ANKS1B: variants seen among roughly 807,000 people sequenced by gnomAD.
The protein encoded by ANKS1B is ankyrin repeat and sterile alpha motif domain containing 1B.
ANKS1B carries 36 observed loss-of-function variants against 148.3 expected under a neutral mutation model. The ratio of observed to expected loss-of-function variants is 0.24; its 90% CI spans 0.19 to 0.32. ANKS1B has a LOEUF of 0.32. Ranked by LOEUF, ANKS1B falls within the 10% of genes least tolerant of loss-of-function variation. The pLI, the probability that ANKS1B is intolerant of heterozygous loss-of-function variation, is 1.00. For synonymous variants in ANKS1B, 542 were observed against 560.8 expected, an observed-to-expected ratio of 0.97 and a Z score of 0.47; for missense variants, 1,157 against 1,542.6, an observed-to-expected ratio of 0.75 and a Z score of 4.19.
intron 19 of ANKS1B, among the ~76,000 whole-genome samples, chr12:98,823,898 A>G (rs2099223281): frequency 6.6e-6 from 1 of 152,206 alleles, no homozygotes; most frequent in African/African-American, 2.4e-5. Flanking sequence ...AATTTCTGGG[A>G]ACAACAGGCC....
intron 8 of ANKS1B, among the ~76,000 whole-genome samples, chr12:99,692,317 C>T (rs914828439): frequency 6.6e-6 from 1 of 151,968 alleles, no homozygotes; most frequent in African/African-American, 2.4e-5. Context: ...GGTCAGATAG[C>T]GGTCATATTT....
At chr12:99,882,512 A>G (rs2153739096) in intron 1 of ANKS1B, among the ~76,000 whole-genome samples, 1 of 152,348 alleles carries the variant, frequency 6.6e-6, no homozygotes, top group Admixed American at 6.5e-5. Context: ...GAAAGTAACC[A>G]AAGAAAAATG....
intron 17 of ANKS1B, among the ~76,000 whole-genome samples, chr12:98,990,058 C>T (rs2099925678): frequency 6.6e-6 from 1 of 151,918 alleles, no homozygotes; most frequent in Non-Finnish European, 1.5e-5. Flanking sequence ...GAAAGAAAGT[C>T]ATTGGTATTT....
intron 12 of ANKS1B, among the ~76,000 whole-genome samples, chr12:99,253,645 A>G (rs2074919214): frequency 6.6e-6 from 1 of 152,236 alleles, no homozygotes; most frequent in Admixed American, 6.5e-5. Flanking sequence ...GAAAGACACG[A>G]GCCCATAAAT....
At chr12:99,128,166 T>C (rs569720771) in intron 15 of ANKS1B, among the ~76,000 whole-genome samples, 13 of 152,326 alleles carry the variant, frequency 8.5e-5, no homozygotes, top group African/African-American at 3.1e-4. Context: ...TCAGCGTGGC[T>C]AATGGCTTCA....
chr12:99,833,906 G>A (rs907832522), intron 1 of ANKS1B, among the ~76,000 whole-genome samples: 5 of 151,812 alleles, frequency 3.3e-5, no homozygotes, highest in African/African-American at 1.2e-4. Flanking sequence ...TAGCAAAATG[G>A]ATATGGATAC....
chr12:99,698,973 G>GTGTGTGTGTGTGTGTGTGT (rs56223205), intron 8 of ANKS1B, among the ~76,000 whole-genome samples: 49 of 119,524 alleles, frequency 4.1e-4, no homozygotes, highest in African/African-American at 1.4e-3. Context: ...TGTGTGTGTG[G>GTGTGTGTGTGTGTGTGTGT]GTGTGCACGC....
chr12:99,336,775 A>C (rs1051939265), intron 12 of ANKS1B, among the ~76,000 whole-genome samples: 1 of 152,106 alleles, frequency 6.6e-6, no homozygotes, highest in Non-Finnish European at 1.5e-5. Flanking sequence ...ACTTGGATAT[A>C]CTATTCAAGG....
chr12:99,799,031 A>G (rs2066606956), intron 4 of ANKS1B, among the ~76,000 whole-genome samples: 1 of 152,098 alleles, frequency 6.6e-6, no homozygotes, highest in South Asian at 2.1e-4. Context: ...CTTTCACTTC[A>G]AGCTTCTATC....
intron 14 of ANKS1B, among the ~76,000 whole-genome samples, chr12:99,237,764 G>A (rs1242354667): frequency 2.0e-5 from 3 of 152,112 alleles, no homozygotes; most frequent in Admixed American, 6.5e-5. Context: ...TAGAAACTTC[G>A]TGTGTGTGCA....
chr12:99,262,720 ATT>A (rs1417022039), intron 12 of ANKS1B, among the ~76,000 whole-genome samples: 3 of 151,688 alleles, frequency 2.0e-5, no homozygotes, highest in Non-Finnish European at 2.9e-5. Flanking sequence ...TGTTTATTTT[ATT>A]TGTCTAAAAA....
chr12:99,539,825 T>C (rs1567306364), intron 9 of ANKS1B, among the ~76,000 whole-genome samples: 1 of 152,096 alleles, frequency 6.6e-6, no homozygotes, highest in Non-Finnish European at 1.5e-5. Context: ...TGCCTCACTC[T>C]GCCTGCCACA....
chr12:99,186,045 G>T (rs560364579), intron 14 of ANKS1B, among the ~76,000 whole-genome samples: 2 of 152,306 alleles, frequency 1.3e-5, no homozygotes, highest in African/African-American at 2.4e-5. Flanking sequence ...GGATGCTCCA[G>T]CTTGGTTGGG....
chr12:99,667,288 G>A (rs2098513232), intron 8 of ANKS1B, among the ~76,000 whole-genome samples: 1 of 151,512 alleles, frequency 6.6e-6, no homozygotes, highest in Admixed American at 6.6e-5. Flanking sequence ...GGCGGAGGTT[G>A]CAGTGAGCCG....
At chr12:99,366,764 T>C (rs1169835283) in intron 12 of ANKS1B, among the ~76,000 whole-genome samples, 1 of 152,146 alleles carries the variant, frequency 6.6e-6, no homozygotes, top group East Asian at 1.9e-4. Flanking sequence ...AAATCCCTTA[T>C]ATCCTAAGAG....
chr12:99,982,426 T>G (rs1296438461), intron 1 of ANKS1B, among the ~76,000 whole-genome samples: 1 of 152,174 alleles, frequency 6.6e-6, no homozygotes, highest in African/African-American at 2.4e-5. Context: ...AAAATACGAT[T>G]TATCACAATA....
At chr12:99,332,310 CT>C (rs1195353973) in intron 12 of ANKS1B, among the ~76,000 whole-genome samples, 1 of 151,984 alleles carries the variant, frequency 6.6e-6, no homozygotes, top group Non-Finnish European at 1.5e-5. Flanking sequence ...CTGTCTAAGA[CT>C]TTTTTACTGC....
intron 4 of ANKS1B, among the ~76,000 whole-genome samples, chr12:99,791,228 C>A (rs370515995): frequency 6.6e-6 from 1 of 151,870 alleles, no homozygotes; most frequent in Non-Finnish European, 1.5e-5. Flanking sequence ...GAGGATATTA[C>A]AATTGTAAAT....
At chr12:99,269,227 C>T (rs1016634554) in intron 12 of ANKS1B, among the ~76,000 whole-genome samples, 1 of 152,102 alleles carries the variant, frequency 6.6e-6, no homozygotes, top group African/African-American at 2.4e-5. Context: ...ATGCAGTTTT[C>T]GTTTTATATC....
Sources: allele counts gnomAD v4.1 joint callset (sites outside exome capture counted in the v4.1 genomes callset), GRCh38; gene constraint gnomAD v4.1.1; transcripts MANE v1.5; gene names NCBI Gene and HGNC (gene_info 2026-07-23, HGNC 2026-07-21).